The following DNAH9 variants were observed in gnomAD, a reference collection of about 807,000 sequenced individuals.
DNAH9 encodes dynein axonemal heavy chain 9.
DNAH9 carries 345 observed loss-of-function variants against 471.6 expected under a neutral mutation model. The ratio of observed to expected loss-of-function variants is 0.73; its 90% CI spans 0.67 to 0.80. DNAH9 has a LOEUF of 0.80. Among genes scored for constraint, DNAH9 ranks in the 30% least tolerant of loss-of-function variants. The probability of loss-of-function intolerance (pLI) is 0.00; values close to 1 mark genes in which losing one functional copy is unlikely to be tolerated. For synonymous variants in DNAH9, 2,093 were observed against 2,123.6 expected, an observed-to-expected ratio of 0.99 and a Z score of 0.40; for missense variants, 5,407 against 5,609.2, an observed-to-expected ratio of 0.96 and a Z score of 1.15.
chr17:11,947,775 T>A (rs1247961637), intron 67 of DNAH9, among the ~76,000 whole-genome samples: 36 of 134,362 alleles, frequency 2.7e-4, no homozygotes, highest in African/African-American at 7.4e-4. Flanking sequence ...GGGAACTATT[T>A]TTTTTTTTTT....
chr17:11,868,489 T>A lies in DNAH9; in HGVS notation c.9934-645T>A, dbSNP rs560797172. 1.9e-3 allele frequency among the ~76,000 whole-genome samples: 295 copies of A among 152,268 alleles called. 1 individual carries two copies. Among genetic ancestry groups the A allele is most frequent in the African/African-American group, 7.0e-3 (290 of 41,568 alleles). On this transcript the variant is annotated intron_variant, in intron 50 of 68. Coordinates refer to ENST00000262442, the MANE Select transcript of DNAH9 (RefSeq NM_001372.4). ...TACATTTTTAAATATTGAAATTATG[T>A]CTTTTTTATGTTCCTATACATTGTG...
At chr17:11,694,147 G>C in intron 21 of DNAH9, 149 bp downstream of exon 21, 1 of 1,258,240 alleles carries the variant, frequency 7.9e-7, no homozygotes, top group Non-Finnish European at 1.1e-6. Context: ...GGCATTATTA[G>C]AGGTGTTGAC....
intron 10 of DNAH9, among the ~76,000 whole-genome samples, chr17:11,642,429 G>A (rs374373263): frequency 6.6e-6 from 1 of 151,926 alleles, no homozygotes; most frequent in Non-Finnish European, 1.5e-5. Context: ...GGGGGCGCCT[G>A]TAATCCCAGC....
intron 52 of DNAH9, among the ~76,000 whole-genome samples, chr17:11,872,640 G>A (rs559900800): frequency 2.0e-4 from 30 of 152,292 alleles, no homozygotes; most frequent in African/African-American, 7.2e-4. Flanking sequence ...GCGAAGGTGG[G>A]CCGGGCGCGG....
chr17:11,918,677 A>T (rs1443454119), intron 61 of DNAH9, among the ~76,000 whole-genome samples: 1 of 152,160 alleles, frequency 6.6e-6, no homozygotes, highest in African/African-American at 2.4e-5. Context: ...GAGTGAATAG[A>T]GACAAAGGTT....
chr17:11,798,741 C>A (rs1969347304), intron 43 of DNAH9, among the ~76,000 whole-genome samples: 1 of 152,142 alleles, frequency 6.6e-6, no homozygotes, highest in Non-Finnish European at 1.5e-5. Context: ...CTTCTTTGAA[C>A]TTTCCCTTTA....
intron 10 of DNAH9, among the ~76,000 whole-genome samples, chr17:11,641,871 A>G (rs2073280239): frequency 6.6e-6 from 1 of 152,196 alleles, no homozygotes; most frequent in Non-Finnish European, 1.5e-5. Flanking sequence ...GGGCAGAGAA[A>G]GAAGTTGAGC....
rs1342828861 is a variant in DNAH9, at chr17:11,797,793, TG to T, written c.8420+1del. 1.9e-6 allele frequency: 3 copies of T among 1,612,390 alleles called. No individual in the cohort carries two copies. The African/African-American group carries it at 4.0e-5, about 22-fold the overall frequency. On this transcript the variant is annotated splice_donor_variant, in intron 43 of 68. Transcript: ENST00000262442. LOFTEE classifies it high-confidence loss of function. ...CTCTTTGAGGATGCCATGCGCCATGTGTAAGTGTGCTTCTCCTCTTCCTTTT... is the reference window on the plus strand; with the variant it reads ...CTCTTTGAGGATGCCATGCGCCATGTTAAGTGTGCTTCTCCTCTTCCTTTT...
chr17:11,921,242 GATT>G (rs386795425), intron 61 of DNAH9, among the ~76,000 whole-genome samples: 28,079 of 149,662 alleles, frequency 0.19, 2,645 homozygotes, highest in East Asian at 0.28. Context: ...AAAAAAAGGT[GATT>G]TTTTTTTTTT....
rs898933866 is a variant in DNAH9, at chr17:11,606,658, C to T, written c.418-1471C>T. On this transcript the variant is annotated intron_variant, in intron 1 of 68. Transcript: ENST00000262442. ...AGAGACAGGGTTTCACCATGTTGGC[C>T]AGGATGGTCTTGATGTCCTGATCTC... Among the ~76,000 whole-genome samples, 8 of 151,906 alleles carry T rather than the reference C, an allele frequency of 5.3e-5. No homozygotes were observed. In the South Asian group the frequency reaches 1.5e-3, roughly 28 times the overall value.
intron 14 of DNAH9, among the ~76,000 whole-genome samples, chr17:11,653,594 C>CGG (rs1387661750): frequency 1.3e-5 from 2 of 152,170 alleles, no homozygotes; most frequent in African/African-American, 4.8e-5. Context: ...TCCAGCCCTA[C>CGG]GCAAGTAGCT....
Position 11,680,837 on chromosome 17 carries a change from G to A in DNAH9, c.3691G>A (p.Asp1231Asn), listed in dbSNP as rs1238499660. Residue 1231 changes from aspartate (D) to asparagine (N), a missense_variant, in exon 19 of 69, where the codon GAT becomes AAT. By Grantham distance (23) the Asp-to-Asn change is conservative. Around this residue, in one of 3 missense-constraint regions of DNAH9, gnomAD observed 4,636 missense variants for 4,900.3 expected, o/e 0.95. Coordinates refer to ENST00000262442, the MANE Select transcript of DNAH9 (RefSeq NM_001372.4). ...CCTCCGCCAGAGGTGCACAGCCTTC[G>A]ATGCAGAACAGCAGCAATTCTGGGA... ...TLLRQRCTAF[D>N]AEQQQFWEQF... 3 of 1,613,660 alleles carry A rather than the reference G, an allele frequency of 1.9e-6. No individual in the cohort carries two copies. The highest frequency in any genetic ancestry group is 2.5e-6 in the Non-Finnish European group (3 of 1,179,812).
At chr17:11,936,209 G>A (rs1974707786) in intron 65 of DNAH9, among the ~76,000 whole-genome samples, 1 of 152,152 alleles carries the variant, frequency 6.6e-6, no homozygotes. Flanking sequence ...ATACAGATCG[G>A]CCCTTGAGGA....
chr17:11,731,216 GGATGGTGGTGGCAATGATGGT>G (rs1428578859), intron 28 of DNAH9, among the ~76,000 whole-genome samples: 5 of 148,588 alleles, frequency 3.4e-5, no homozygotes, highest in South Asian at 2.2e-4. Flanking sequence ...AGAATGATGG[GGATGGTGGTGGCAATGATGGT>G]GATGGTGGTG....
chr17:11,714,747 A>G lies in DNAH9; in HGVS notation c.5553-4587A>G, dbSNP rs140263917. 2.0e-3 allele frequency among the ~76,000 whole-genome samples: 303 copies of G among 152,226 alleles called. 1 individual carries two copies. The highest frequency in any genetic ancestry group is 7.2e-3 in the African/African-American group (298 of 41,542). ...GGGGAAGTCAGATTTGAGGCATGAG[A>G]AGAATTTGACATGCCATAGCTGGTT... On this transcript the variant is annotated intron_variant, in intron 26 of 68. Transcript: ENST00000262442.
At chr17:11,601,713 C>T (rs1017201734) in intron 1 of DNAH9, among the ~76,000 whole-genome samples, 2 of 152,024 alleles carry the variant, frequency 1.3e-5, no homozygotes, top group African/African-American at 4.8e-5. Context: ...TCCTTCTGGC[C>T]CAGCCCTCCT....
At chr17:11,849,277 C>T (rs1173451123) in intron 49 of DNAH9, among the ~76,000 whole-genome samples, 1 of 152,192 alleles carries the variant, frequency 6.6e-6, no homozygotes, top group African/African-American at 2.4e-5. Context: ...TAAGCTACCT[C>T]CTGACTCTCT....
At position 11,704,238 on chromosome 17, in the gene DNAH9, A is replaced by T. The variant is rs1418180501; in HGVS notation, c.5187A>T (p.Thr1729=). ...ALTCTQIWWT[T]EVGMAFARLE... ...CCTGTACTCAGATCTGGTGGACAAC[A>T]GAAGTGGGCATGGCATTTGCCAGGC... Residue 1729 remains threonine (T), a synonymous_variant, in exon 25 of 69, where the codon ACA becomes ACT. Coordinates refer to ENST00000262442, the MANE Select transcript of DNAH9 (RefSeq NM_001372.4). The T allele has an allele frequency of 6.2e-7, 1 of 1,614,026 alleles. No homozygotes were observed. Among genetic ancestry groups the T allele is most frequent in the African/African-American group, 1.3e-5 (1 of 74,936 alleles).
chr17:11,767,920 A>G (rs1211971567), intron 36 of DNAH9, among the ~76,000 whole-genome samples: 3 of 151,996 alleles, frequency 2.0e-5, no homozygotes, highest in African/African-American at 7.3e-5. Flanking sequence ...CAGAAACCTC[A>G]TTTTGCAGAC....
Sources: allele counts gnomAD v4.1 joint callset (sites outside exome capture counted in the v4.1 genomes callset), GRCh38; gene constraint gnomAD v4.1.1; regional missense constraint gnomAD v4.1.1; transcripts MANE v1.5; gene names NCBI Gene and HGNC (gene_info 2026-07-23, HGNC 2026-07-21).